IMPG1: variants seen among roughly 807,000 people sequenced by gnomAD.
IMPG1 encodes interphotoreceptor matrix proteoglycan of 150 kDa.
IMPG1 carries 85 observed loss-of-function variants against 92.0 expected under a neutral mutation model. The observed-to-expected ratio is 0.92, with a 90% CI of 0.78 to 1.11. IMPG1 has a LOEUF of 1.11. Ranked by LOEUF, IMPG1 falls within the 50% of genes least tolerant of loss-of-function variation. The pLI is 0.00. For synonymous variants in IMPG1, 367 were observed against 334.1 expected (o/e 1.10, Z -1.08); for missense variants, 1,022 against 956.0 (o/e 1.07, Z -0.91).
At chr6:75,998,216 G>A (rs1421823950) in intron 12 of IMPG1, among the ~76,000 whole-genome samples, 1 of 152,170 alleles carries the variant, frequency 6.6e-6, no homozygotes, top group African/African-American at 2.4e-5. Flanking sequence ...TTCCAATAAA[G>A]TCTGACTTTC....
chr6:76,007,602 T>C (rs2149478540), intron 8 of IMPG1, 102 bp from the exon 9 acceptor site: 1 of 764,254 alleles, frequency 1.3e-6, no homozygotes, highest in Non-Finnish European at 2.1e-6. Flanking sequence ...AAGAAAAAAA[T>C]ATTTCTTTCC....
In IMPG1 at chr6:76,006,617, C is replaced by T. The variant is rs531445100; in HGVS notation, c.887+863G>A. 2.7e-5 allele frequency among the ~76,000 whole-genome samples: 4 copies of T among 150,802 alleles called. No individual in the cohort carries two copies. The South Asian group carries it at 6.2e-4, about 24-fold the overall frequency. ...AGTTCTTAAGGCTATTTCTTTTCTA[C>T]TTTTTTAAAATAAGTATTTTTTAAT... is the stretch of plus-strand genomic sequence containing the variant. On this transcript the variant is annotated intron_variant, in intron 9 of 16. Transcript: ENST00000369950.
Position 75,998,514 on chromosome 6 carries a change from G to A in IMPG1, c.1291+4404C>T, listed in dbSNP as rs73466842. ...ACCTAGATGGGCAATAAAAGACAAA[G>A]CAATGTCCAATAGTACAGTAGCTCT... On this transcript the variant is annotated intron_variant, in intron 12 of 16. Transcript: ENST00000369950. Among the ~76,000 whole-genome samples the A allele has an allele frequency of 9.7e-3, 1,478 of 152,280 alleles. 29 individuals are homozygous for A. The highest frequency in any genetic ancestry group is 0.034 in the African/African-American group (1,399 of 41,566).
intron 12 of IMPG1, among the ~76,000 whole-genome samples, chr6:75,980,707 G>A (rs545933287): frequency 6.6e-6 from 1 of 152,300 alleles, no homozygotes; most frequent in East Asian, 1.9e-4. Context: ...ACTGAAGGCT[G>A]AACTGTTGGC....
intron 8 of IMPG1, 135 bp downstream of exon 8, chr6:76,011,031 G>A (rs985810196): frequency 1.0e-4 from 60 of 584,566 alleles, no homozygotes; most frequent in Middle Eastern, 4.7e-4. Flanking sequence ...TATCTGAAAC[G>A]TACTCCGTTT....
intron 12 of IMPG1, among the ~76,000 whole-genome samples, chr6:75,982,154 T>C (rs766615857): frequency 2.0e-5 from 3 of 152,166 alleles, no homozygotes; most frequent in Middle Eastern, 3.2e-3. Context: ...GGATATATTG[T>C]AGGATGAAGG....
chr6:76,041,953 A>G lies in IMPG1; in HGVS notation c.241T>C (p.Cys81Arg). The change falls in exon 2 of 17, where the codon TGT (cysteine) becomes CGT (arginine). Residue 81 changes from cysteine (C) to arginine (R), a missense_variant. Coordinates refer to ENST00000369950, the MANE Select transcript of IMPG1 (RefSeq NM_001563.4). The stretch of plus-strand genomic sequence containing the variant: ...ATCTGTTTCATGGATTCCTGTGGAC[A>G]GACTTTAACCCCCGTTGGGAAAAAT... The part of the protein sequence containing the change: ...SAFFPTGVKV[C>R]PQESMKQILD... 6.2e-7 allele frequency: 1 copy of G among 1,614,040 alleles called. No homozygotes were observed. Among genetic ancestry groups the G allele is most frequent in the Non-Finnish European group, 8.5e-7 (1 of 1,179,914 alleles).
intron 6 of IMPG1, among the ~76,000 whole-genome samples, chr6:76,020,932 TG>T (rs747522308): frequency 1.3e-5 from 2 of 152,230 alleles, no homozygotes; most frequent in Non-Finnish European, 2.9e-5. Flanking sequence ...TATTTTGAAA[TG>T]GCCATGCAAA....
intron 5 of IMPG1, among the ~76,000 whole-genome samples, chr6:76,022,857 A>G (rs898525073): frequency 3.9e-5 from 6 of 152,250 alleles, no homozygotes; most frequent in Admixed American, 1.3e-4. Flanking sequence ...AAAAATGCTC[A>G]GAGAAAATAG....
intron 1 of IMPG1, among the ~76,000 whole-genome samples, chr6:76,060,370 C>T (rs565554299): frequency 6.6e-6 from 1 of 152,284 alleles, no homozygotes; most frequent in African/African-American, 2.4e-5. Flanking sequence ...AGAATATTCT[C>T]CGTAAATAAT....
intron 12 of IMPG1, among the ~76,000 whole-genome samples, chr6:75,962,065 T>C (rs1318885781): frequency 1.3e-5 from 2 of 152,186 alleles, no homozygotes; most frequent in Non-Finnish European, 2.9e-5. Flanking sequence ...GACAGGTACA[T>C]TGAATGCATC....
At chr6:76,055,633 A>T (rs1784108445) in intron 1 of IMPG1, among the ~76,000 whole-genome samples, 1 of 151,986 alleles carries the variant, frequency 6.6e-6, no homozygotes, top group Non-Finnish European at 1.5e-5. Flanking sequence ...GAAAATACTG[A>T]TAACAAAAAC....
intron 5 of IMPG1, among the ~76,000 whole-genome samples, chr6:76,024,199 G>T (rs1470945720): frequency 1.3e-5 from 2 of 152,036 alleles, no homozygotes; most frequent in African/African-American, 4.8e-5. Context: ...AGGCACAGCC[G>T]GCTTTCTCTG....
chr6:76,031,784 ATAGT>A (rs1375276887), intron 4 of IMPG1, among the ~76,000 whole-genome samples: 1 of 152,214 alleles, frequency 6.6e-6, no homozygotes, highest in African/African-American at 2.4e-5. Context: ...ACCAAGAAGA[ATAGT>A]TAGTAAAATC....
intron 7 of IMPG1, among the ~76,000 whole-genome samples, chr6:76,015,800 CA>C (rs35389302): frequency 0.41 from 27,681 of 66,948 alleles, 2,488 homozygotes; most frequent in Middle Eastern, 0.48. Flanking sequence ...AACTCTGTCT[CA>C]AAAAAAAAAA....
At chr6:76,057,151 G>A (rs1784133947) in intron 1 of IMPG1, among the ~76,000 whole-genome samples, 1 of 152,124 alleles carries the variant, frequency 6.6e-6, no homozygotes, top group Non-Finnish European at 1.5e-5. Context: ...GTTGGAAGGT[G>A]GGAGGAGGGA....
rs1272027604 is a variant in IMPG1 at position 76,034,664 on chromosome 6, T to C, written c.425A>G (p.Lys142Arg). The change falls in exon 3 of 17, where the codon AAA becomes AGA. Residue 142 changes from lysine to arginine, a missense_variant. By Grantham distance (26) the Lys-to-Arg change is conservative (BLOSUM62 2). Coordinates refer to ENST00000369950, the MANE Select transcript of IMPG1 (RefSeq NM_001563.4). ...GTGCTCCTGGGAATTGCTGAAGTTT[T>C]TTCCAATGTCAAAGAGGCAGAAGGT... is the stretch of plus-strand genomic sequence containing the variant. ...QETFCLFDIGKNFSNSQEHLD... is the reference protein window; with the variant it reads ...QETFCLFDIGRNFSNSQEHLD... The C allele has an allele frequency of 1.2e-6, 2 of 1,614,192 alleles. No homozygotes were observed. Among genetic ancestry groups the C allele is most frequent in the East Asian group, 2.2e-5 (1 of 44,872 alleles).
rs1781438421 is a variant in IMPG1 at position 75,922,011 on chromosome 6, T to A, written c.*78A>T. On this transcript the variant is annotated 3_prime_UTR_variant, in exon 17 of 17. Transcript: ENST00000369950. The stretch of plus-strand genomic sequence containing the variant: ...TCTGGATTTTGATGACCCATGAATA[T>A]GCCTGTCTCCATTTTCCTTGAGAAG... The A allele has an allele frequency of 2.8e-6, 2 of 706,288 alleles. No individual in the cohort carries two copies. The highest frequency in any genetic ancestry group is 3.0e-5 in the South Asian group (2 of 65,598). The allele number at this position is 706,288 out of a possible 1,614,324, so 43.8% of individuals were successfully genotyped here. A position where few individuals can be genotyped will look rare whatever the true frequency, so the allele number is the denominator to read the frequency against.
In IMPG1 at chr6:76,051,503, C is replaced by A. The variant is rs192013113; in HGVS notation, c.68-9377G>T. ...CAACAAACTTATACAATGCCAGCCC[C>A]AATCTGTGGCCTTAGAGGCAAAAGT... On this transcript the variant is annotated intron_variant, in intron 1 of 16. Coordinates refer to ENST00000369950, the MANE Select transcript of IMPG1 (RefSeq NM_001563.4). Among the ~76,000 whole-genome samples, 102 of 152,302 alleles carry A rather than the reference C, an allele frequency of 6.7e-4. 1 individual carries two copies. The highest frequency in any genetic ancestry group is 2.4e-3 in the African/African-American group (99 of 41,560).
Sources: gnomAD v4.1 joint callset for allele counts (sites outside exome capture counted in the v4.1 genomes callset) on GRCh38, gnomAD v4.1.1 for gene constraint, MANE v1.5 for transcripts, NCBI Gene and HGNC (gene_info 2026-07-23, HGNC 2026-07-21) for gene names.